Variants in UVRAG observed in about 807,000 individuals in gnomAD.
The protein encoded by UVRAG is UV radiation resistance-associated gene protein.
UVRAG carries 19 observed loss-of-function variants against 78.0 expected under a neutral mutation model. That is an observed-to-expected ratio of 0.24 (90% CI 0.17 to 0.36). UVRAG has a LOEUF of 0.36. Ranked by LOEUF, UVRAG falls within the 10% of genes least tolerant of loss-of-function variation. The pLI is 1.00. For synonymous variants in UVRAG, 323 were observed against 324.6 expected, an observed-to-expected ratio of 1.00 and a Z score of 0.05; for missense variants, 740 against 853.8, an observed-to-expected ratio of 0.87 and a Z score of 1.66.
chr11:75,828,503 C>T (rs372178433), intron 1 of UVRAG, among the ~76,000 whole-genome samples: 1 of 148,840 alleles, frequency 6.7e-6, no homozygotes, highest in Non-Finnish European at 1.5e-5. Flanking sequence ...AATTAATTTT[C>T]GGAGACAAGG....
At chr11:76,125,427 G>C (rs1051571266) in intron 14 of UVRAG, among the ~76,000 whole-genome samples, 3 of 152,172 alleles carry the variant, frequency 2.0e-5, no homozygotes, top group Non-Finnish European at 4.4e-5. Flanking sequence ...AGGGGACCAG[G>C]CTTCTTCCAT....
At chr11:76,081,428 A>C (rs904694531) in intron 13 of UVRAG, among the ~76,000 whole-genome samples, 1 of 151,848 alleles carries the variant, frequency 6.6e-6, no homozygotes, top group Non-Finnish European at 1.5e-5. Context: ...CTGGTTCTGA[A>C]CTCCTGACCT....
chr11:75,903,527 T>C (rs1013962606), intron 5 of UVRAG, among the ~76,000 whole-genome samples: 1 of 152,228 alleles, frequency 6.6e-6, no homozygotes, highest in African/African-American at 2.4e-5. Flanking sequence ...GCTGTCATGC[T>C]TTGGCTAAAG....
intron 7 of UVRAG, among the ~76,000 whole-genome samples, chr11:75,978,021 C>T (rs540825904): frequency 2.6e-5 from 4 of 152,196 alleles, no homozygotes; most frequent in Admixed American, 1.3e-4. Context: ...TTGTTCTTTC[C>T]ATGTTTAGCG....
At chr11:75,821,948 T>G (rs940167748) in intron 1 of UVRAG, among the ~76,000 whole-genome samples, 2 of 150,572 alleles carry the variant, frequency 1.3e-5, no homozygotes, top group Non-Finnish European at 3.0e-5. Context: ...ACTGTTTTTT[T>G]TTTTTTTTTT....
intron 12 of UVRAG, among the ~76,000 whole-genome samples, chr11:76,038,140 A>G (rs969899009): frequency 2.6e-5 from 4 of 152,186 alleles, no homozygotes; most frequent in Non-Finnish European, 5.9e-5. Flanking sequence ...CTTAAATCAC[A>G]TTGCTGTTAA....
intron 3 of UVRAG, among the ~76,000 whole-genome samples, chr11:75,874,136 G>A (rs562781323): frequency 5.9e-5 from 9 of 152,308 alleles, no homozygotes; most frequent in African/African-American, 2.2e-4. Context: ...TCAGAGAATA[G>A]GGCATAGGCA....
At chr11:76,059,513 T>C (rs1033546888) in intron 12 of UVRAG, among the ~76,000 whole-genome samples, 5 of 152,094 alleles carry the variant, frequency 3.3e-5, no homozygotes, top group African/African-American at 9.7e-5. Flanking sequence ...CCAGGCAACA[T>C]TGGGTGATGT....
At chr11:75,955,796 G>C (rs1366481456) in intron 6 of UVRAG, among the ~76,000 whole-genome samples, 1 of 152,162 alleles carries the variant, frequency 6.6e-6, no homozygotes, top group Non-Finnish European at 1.5e-5. Context: ...GCTGAGGCAG[G>C]AAGATCCCTT....
Position 75,943,290 on chromosome 11 carries a change from A to G in UVRAG, c.594-18154A>G, listed in dbSNP as rs975295296. Among the ~76,000 whole-genome samples the G allele has an allele frequency of 1.0e-4, 15 of 146,960 alleles. 1 individual carries two copies. The South Asian group carries it at 1.1e-3, about 10-fold the overall frequency. ...GTAATTTATAGTTTGATAGAAAATC[A>G]TTCACTTTTCCTGTTTTTTTTTTTT... On this transcript the variant is annotated intron_variant, in intron 6 of 14. Transcript: ENST00000356136.
At chr11:75,821,543 A>G (rs1945388585) in intron 1 of UVRAG, among the ~76,000 whole-genome samples, 1 of 151,942 alleles carries the variant, frequency 6.6e-6, no homozygotes, top group Non-Finnish European at 1.5e-5. Context: ...AATGAGTCTC[A>G]CTCTGGTCTC....
chr11:75,832,681 C>T (rs1256150644), intron 1 of UVRAG, among the ~76,000 whole-genome samples: 1 of 152,188 alleles, frequency 6.6e-6, no homozygotes, highest in African/African-American at 2.4e-5. Flanking sequence ...AATCTCCAGC[C>T]TGTCTCCCCT....
In UVRAG at chr11:75,970,498, C is replaced by T. The variant is rs1049746026; in HGVS notation, c.699+8949C>T. 2.6e-5 allele frequency among the ~76,000 whole-genome samples: 4 copies of T among 151,944 alleles called. No homozygotes were observed. In the East Asian group the frequency reaches 5.8e-4, roughly 22 times the overall value. ...CTGTAATCCCAGCACTTTGGGAGGCCGAGGCAGGCGGATCATGAGGTTGGG... is the reference window on the plus strand; with the variant it reads ...CTGTAATCCCAGCACTTTGGGAGGCTGAGGCAGGCGGATCATGAGGTTGGG... On this transcript the variant is annotated intron_variant, in intron 7 of 14. Transcript: ENST00000356136.
intron 6 of UVRAG, chr11:75,930,822 T>C (rs1591030915): frequency 6.6e-6 from 1 of 152,228 alleles, no homozygotes; most frequent in Non-Finnish European, 1.5e-5. Flanking sequence ...AGGCACGGCA[T>C]GTGTTGGCAT....
intron 5 of UVRAG, among the ~76,000 whole-genome samples, chr11:75,910,413 C>G (rs988790977): frequency 1.4e-4 from 22 of 151,806 alleles, no homozygotes; most frequent in Non-Finnish European, 2.9e-4. Context: ...GATTATATAG[C>G]TGTTGTATTG....
intron 7 of UVRAG, among the ~76,000 whole-genome samples, chr11:75,980,668 A>C (rs982683371): frequency 6.6e-6 from 1 of 150,956 alleles, no homozygotes; most frequent in African/African-American, 2.4e-5. Context: ...TTTTCCTTGA[A>C]GAGTCTGGCT....
At chr11:75,994,708 C>A (rs1263266909) in intron 8 of UVRAG, among the ~76,000 whole-genome samples, 2 of 152,180 alleles carry the variant, frequency 1.3e-5, no homozygotes, top group African/African-American at 4.8e-5. Flanking sequence ...GATCCAAATT[C>A]AAACATTGGT....
chr11:76,111,921 T>A (rs527509066), intron 13 of UVRAG, among the ~76,000 whole-genome samples: 12 of 97,514 alleles, frequency 1.2e-4, no homozygotes, highest in African/African-American at 2.9e-4. Flanking sequence ...AAAAAAAGTC[T>A]AAAATAAAGT....
intron 11 of UVRAG, among the ~76,000 whole-genome samples, chr11:76,011,891 G>C (rs1157915288): frequency 6.6e-6 from 1 of 152,210 alleles, no homozygotes; most frequent in Non-Finnish European, 1.5e-5. Flanking sequence ...ACTCAAAAAA[G>C]TGAGAATAAT....
Sources: allele counts gnomAD v4.1 joint callset (sites outside exome capture counted in the v4.1 genomes callset), GRCh38; gene constraint gnomAD v4.1.1; transcripts MANE v1.5; gene names NCBI Gene and HGNC (gene_info 2026-07-23, HGNC 2026-07-21).